Variants in GPM6A observed in about 807,000 individuals in gnomAD.
GPM6A encodes the protein neuronal membrane glycoprotein M6-a.
GPM6A carries 7 observed loss-of-function variants against 32.1 expected under a neutral mutation model. The observed-to-expected ratio is 0.22, with a 90% CI of 0.12 to 0.41. The LOEUF is 0.41. GPM6A is among the 10% of genes least tolerant of loss of function. The probability of loss-of-function intolerance (pLI) is 1.00; values close to 1 mark genes in which losing one functional copy is unlikely to be tolerated. For synonymous variants in GPM6A, 130 were observed against 123.4 expected (o/e 1.05, Z -0.35); for missense variants, 235 against 347.2 (o/e 0.68, Z 2.57).
intron 2 of GPM6A, among the ~76,000 whole-genome samples, chr4:175,675,195 G>T (rs1315679127): frequency 2.6e-5 from 4 of 151,196 alleles, no homozygotes; most frequent in Admixed American, 6.6e-5. Flanking sequence ...AGTCCTAGGT[G>T]TAGCTAGAGT....
upstream of GPM6A, among the ~76,000 whole-genome samples, chr4:175,817,018 G>T (rs999718696): frequency 4.6e-5 from 7 of 151,938 alleles, no homozygotes; most frequent in Non-Finnish European, 7.4e-5. Context: ...CACCACGCCC[G>T]GCTAATTTTT....
intron 1 of GPM6A, among the ~76,000 whole-genome samples, chr4:175,863,838 G>A (rs1736647039): frequency 6.6e-6 from 1 of 151,892 alleles, no homozygotes; most frequent in Non-Finnish European, 1.5e-5. Context: ...CCTGTCTCTA[G>A]AGAAAATAAA....
chr4:175,637,129 A>G (rs868426288), intron 6 of GPM6A, among the ~76,000 whole-genome samples: 19 of 93,464 alleles, frequency 2.0e-4, no homozygotes, highest in African/African-American at 8.2e-4. Flanking sequence ...TATAATATAT[A>G]ATATATTATA....
intron 2 of GPM6A, among the ~76,000 whole-genome samples, chr4:175,700,121 C>G (rs754624003): frequency 6.6e-6 from 1 of 152,004 alleles, no homozygotes; most frequent in African/African-American, 2.4e-5. Context: ...CCTCAGCCTC[C>G]CAAAGTGCTG....
chr4:175,958,210 G>A (rs1203976197), intron 1 of GPM6A, among the ~76,000 whole-genome samples: 1 of 152,174 alleles, frequency 6.6e-6, no homozygotes, highest in African/African-American at 2.4e-5. Flanking sequence ...AAGTAATTGT[G>A]AATGCTGGAG....
chr4:175,786,113 C>G (rs537385062), intron 1 of GPM6A, among the ~76,000 whole-genome samples: 1 of 152,122 alleles, frequency 6.6e-6, no homozygotes, highest in South Asian at 2.1e-4. Context: ...AAACTTTCAA[C>G]AGAAAACACA....
At chr4:175,958,513 T>G (rs543658267) in intron 1 of GPM6A, among the ~76,000 whole-genome samples, 2 of 152,330 alleles carry the variant, frequency 1.3e-5, no homozygotes, top group Admixed American at 6.5e-5. Flanking sequence ...TGCTAACTGA[T>G]AGGGTGACAT....
intron 1 of GPM6A, among the ~76,000 whole-genome samples, chr4:175,818,361 A>G (rs906914294): frequency 6.6e-6 from 1 of 152,246 alleles, no homozygotes; most frequent in Non-Finnish European, 1.5e-5. Context: ...TTTCAAGAGC[A>G]TAGGCCTCTT....
At chr4:175,806,137 T>C (rs1030078207) in intron 1 of GPM6A, 1 of 152,194 alleles carries the variant, frequency 6.6e-6, no homozygotes, top group Non-Finnish European at 1.5e-5. Flanking sequence ...ACATTTTGAA[T>C]GGTGGGGAGG....
At chr4:175,781,367 A>C (rs1368636673) in intron 1 of GPM6A, 1 of 152,172 alleles carries the variant, frequency 6.6e-6, no homozygotes, top group Non-Finnish European at 1.5e-5. Context: ...CATTGACCAA[A>C]AAAGAGGCAG....
intron 1 of GPM6A, among the ~76,000 whole-genome samples, chr4:175,920,357 C>G (rs1291453683): frequency 6.6e-6 from 1 of 152,194 alleles, no homozygotes; most frequent in African/African-American, 2.4e-5. Flanking sequence ...GGGTTAATTA[C>G]TTTTTAAAAT....
intron 1 of GPM6A, among the ~76,000 whole-genome samples, chr4:175,898,710 A>T (rs1737867262): frequency 6.6e-6 from 1 of 152,188 alleles, no homozygotes; most frequent in South Asian, 2.1e-4. Flanking sequence ...TAAATGAAAG[A>T]CTAAATACTA....
chr4:175,957,893 T>C (rs928070516), intron 1 of GPM6A, among the ~76,000 whole-genome samples: 1 of 152,230 alleles, frequency 6.6e-6, no homozygotes, highest in Non-Finnish European at 1.5e-5. Context: ...TGTTTTGTTG[T>C]TTGTTTTTTG....
intron 1 of GPM6A, among the ~76,000 whole-genome samples, chr4:175,853,535 C>T (rs1442615661): frequency 6.8e-6 from 1 of 147,076 alleles, no homozygotes; most frequent in Non-Finnish European, 1.5e-5. Context: ...TTTGCAAAGC[C>T]ACAGAAACAA....
intron 1 of GPM6A, among the ~76,000 whole-genome samples, chr4:175,902,166 A>T (rs1031366970): frequency 3.0e-4 from 45 of 152,294 alleles, no homozygotes; most frequent in African/African-American, 1.0e-3. Context: ...TGGAATAAAA[A>T]AGAACAAATT....
intron 1 of GPM6A, chr4:175,805,910 TTTATG>T (rs1249220368): frequency 1.3e-5 from 2 of 152,256 alleles, no homozygotes; most frequent in African/African-American, 4.8e-5. Flanking sequence ...TTTTTCTTTC[TTTATG>T]TTGTTCACAG....
At chr4:175,924,525 C>T (rs78303015) in intron 1 of GPM6A, among the ~76,000 whole-genome samples, 5,026 of 152,174 alleles carry the variant, frequency 0.033, 117 homozygotes, top group Middle Eastern at 0.058. Flanking sequence ...AGGCTGAGTG[C>T]TTCTGCCTGA....
At chr4:175,681,072 C>A (rs932646746) in intron 2 of GPM6A, among the ~76,000 whole-genome samples, 1 of 152,092 alleles carries the variant, frequency 6.6e-6, no homozygotes, top group African/African-American at 2.4e-5. Flanking sequence ...TAACTTTGTT[C>A]ATATGTATTT....
At chr4:175,958,717 T>G (rs73873517) in intron 1 of GPM6A, among the ~76,000 whole-genome samples, 10,202 of 152,230 alleles carry the variant, frequency 0.067, 1,111 homozygotes, top group African/African-American at 0.23. Flanking sequence ...TGTGATCTAC[T>G]CACATCTGTG....
Sources: allele counts gnomAD v4.1 joint callset (sites outside exome capture counted in the v4.1 genomes callset), GRCh38; gene constraint gnomAD v4.1.1; transcripts MANE v1.5; gene names NCBI Gene and HGNC (gene_info 2026-07-23, HGNC 2026-07-21).